DMD: variants seen among roughly 807,000 people sequenced by gnomAD.
DMD encodes the protein dystrophin.
Under a neutral mutation model 330.1 loss-of-function variants are expected in DMD, and 63 were observed. The ratio of observed to expected loss-of-function variants is 0.19; its 90% CI spans 0.16 to 0.24. DMD has a LOEUF of 0.24. Ranked by LOEUF, DMD falls within the 10% of genes least tolerant of loss-of-function variation. The pLI, the probability that DMD is intolerant of heterozygous loss-of-function variation, is 1.00. For synonymous variants in DMD, 1,223 were observed against 959.8 expected, an observed-to-expected ratio of 1.27 and a Z score of -5.07; for missense variants, 3,344 against 2,684.1, an observed-to-expected ratio of 1.25 and a Z score of -5.43.
At chrX:31,403,887 C>G (rs2061300945) in intron 60 of DMD, among the ~76,000 whole-genome samples, 1 of 111,361 alleles carries the variant, frequency 9.0e-6, no homozygotes, top group African/African-American at 3.3e-5. Flanking sequence ...ATATTTACAC[C>G]AAACAGTTTA....
chrX:32,475,684 T>C (rs2041162053), intron 21 of DMD, among the ~76,000 whole-genome samples: 1 of 111,133 alleles, frequency 9.0e-6, no homozygotes, highest in South Asian at 3.7e-4. Flanking sequence ...TGCTTGGTCG[T>C]TGTTGGTATA....
At chrX:31,215,162 C>T (rs1216164927) in intron 64 of DMD, among the ~76,000 whole-genome samples, 4 of 107,677 alleles carry the variant, frequency 3.7e-5, no homozygotes, top group Non-Finnish European at 7.7e-5. Context: ...AGGATGGCCT[C>T]GAACTCCTGA....
intron 2 of DMD, among the ~76,000 whole-genome samples, chrX:32,892,367 C>A (rs984430766): frequency 9.0e-6 from 1 of 110,516 alleles, no homozygotes; most frequent in African/African-American, 3.3e-5. Context: ...GCCCCCCACG[C>A]CATGTTGTTT....
chrX:32,120,880 C>G (rs1018067972), intron 44 of DMD, among the ~76,000 whole-genome samples: 4 of 112,194 alleles, frequency 3.6e-5, no homozygotes, highest in Non-Finnish European at 7.5e-5. Flanking sequence ...AGCAACCAAA[C>G]CCTTGCTTCT....
At chrX:32,418,972 CAAAAAAAAAAAAAAA>C (rs1160282195) in intron 29 of DMD, among the ~76,000 whole-genome samples, 1 of 13,511 alleles carries the variant, frequency 7.4e-5, no homozygotes, top group African/African-American at 2.2e-4. Flanking sequence ...GACTCTGTCT[CAAAAAAAAAAAAAAA>C]AAAAAAAAAA....
intron 7 of DMD, among the ~76,000 whole-genome samples, chrX:32,764,949 T>A: frequency 1.2e-5 from 1 of 85,085 alleles, no homozygotes; most frequent in African/African-American, 6.0e-5. Context: ...ACCATATTTA[T>A]TTTCTGGGTT....
intron 47 of DMD, among the ~76,000 whole-genome samples, chrX:31,918,538 A>C (rs763586041): frequency 1.8e-5 from 2 of 112,171 alleles, no homozygotes; most frequent in East Asian, 2.8e-4. Flanking sequence ...AAGAAAACTA[A>C]TCCTTCACCC....
chrX:32,316,245 G>C (rs150808022), intron 41 of DMD, among the ~76,000 whole-genome samples: 4 of 111,171 alleles, frequency 3.6e-5, no homozygotes, highest in East Asian at 5.7e-4. Flanking sequence ...AAAAGGTATA[G>C]TTTATTACTT....
At chrX:32,643,313 C>T (rs1358047758) in intron 11 of DMD, among the ~76,000 whole-genome samples, 2 of 109,256 alleles carry the variant, frequency 1.8e-5, no homozygotes, top group African/African-American at 3.4e-5. Flanking sequence ...ATCCTTCTAG[C>T]ATATCTAATG....
At chrX:32,560,473 A>T (rs1457086974) in intron 16 of DMD, among the ~76,000 whole-genome samples, 2 of 110,597 alleles carry the variant, frequency 1.8e-5, no homozygotes, top group Non-Finnish European at 3.8e-5. Flanking sequence ...GGGTACACGT[A>T]TTGGATGTGT....
At chrX:31,496,642 C>A in intron 57 of DMD, 146 bp downstream of exon 57, 1 of 666,151 alleles carries the variant, frequency 1.5e-6, no homozygotes, top group South Asian at 2.8e-5. Flanking sequence ...AGTGTAATGG[C>A]TTAGATTATT....
At chrX:32,629,535 G>A (rs924620530) in intron 11 of DMD, among the ~76,000 whole-genome samples, 4 of 111,008 alleles carry the variant, frequency 3.6e-5, no homozygotes, top group Admixed American at 9.6e-5. Context: ...TCATTGGTAC[G>A]TTAAGGACTT....
At chrX:31,215,358 G>A (rs146943346) in intron 64 of DMD, among the ~76,000 whole-genome samples, 2,243 of 110,092 alleles carry the variant, frequency 0.02, 21 homozygotes, top group Middle Eastern at 0.033. Context: ...CTTGGGGTGG[G>A]GGACTCTGCT....
intron 44 of DMD, among the ~76,000 whole-genome samples, chrX:32,073,926 G>A (rs1478776230): frequency 9.0e-6 from 1 of 111,075 alleles, no homozygotes; most frequent in Non-Finnish European, 1.9e-5. Context: ...TGATATTAAA[G>A]TATTAATTAG....
At position 32,348,494 on chromosome X, in the gene DMD, T is replaced by G; in HGVS notation, c.5360A>C (p.Asn1787Thr). The G allele has an allele frequency of 2.5e-6, 3 of 1,207,343 alleles. No homozygotes were observed. The highest frequency in any genetic ancestry group is 3.4e-6 in the Non-Finnish European group (3 of 892,405). Residue 1787 changes from asparagine to threonine, a missense_variant, in exon 38 of 79, where the codon AAC becomes ACC. Asn to Thr is a moderately conservative substitution (Grantham distance 65). Coordinates refer to ENST00000357033, the MANE Select transcript of DMD (RefSeq NM_004006.3). ...SIPLKELEQF[N>T]SDIQKLLEPL... ...TTCAAGCAATTTTTGTATATCTGAG[T>G]TAAACTGCTCCAATTCCTTCAAAGG...
At chrX:32,463,783 A>G (rs1281295724) in intron 24 of DMD, among the ~76,000 whole-genome samples, 189 bp from the exon 25 acceptor site, 1 of 112,335 alleles carries the variant, frequency 8.9e-6, no homozygotes, top group African/African-American at 3.2e-5. Context: ...TTCAATGGTT[A>G]TTATGGCATG....
chrX:32,066,860 G>A (rs2096263430), intron 44 of DMD, among the ~76,000 whole-genome samples: 1 of 111,631 alleles, frequency 9.0e-6, no homozygotes, highest in Admixed American at 9.5e-5. Context: ...TAGAAATATT[G>A]TTTTAGAAAG....
At position 31,239,684 on chromosome X, in the gene DMD, A is replaced by AT. The variant is rs201381027; in HGVS notation, c.9287-16564dup. ...TGACAAACATCTGACTGGAAAACAA[A>AT]TTTTCCCAAAAGCAAGCAGGGTCTA... is the stretch of plus-strand genomic sequence containing the variant. On this transcript the variant is annotated intron_variant, in intron 63 of 78. Transcript: ENST00000357033. Among the ~76,000 whole-genome samples, 493 of 111,822 alleles carry AT rather than the reference A, an allele frequency of 4.4e-3. 5 individuals carry two copies. The highest frequency in any genetic ancestry group is 0.015 in the African/African-American group (461 of 30,773).
At chrX:31,396,003 C>G (rs1016389061) in intron 60 of DMD, among the ~76,000 whole-genome samples, 1 of 112,177 alleles carries the variant, frequency 8.9e-6, no homozygotes, top group Non-Finnish European at 1.9e-5. Context: ...TGTCCTTTAG[C>G]TATTACTGTT....
Sources: gnomAD v4.1 joint callset for allele counts (sites outside exome capture counted in the v4.1 genomes callset) on GRCh38, gnomAD v4.1.1 for gene constraint, MANE v1.5 for transcripts, NCBI Gene and HGNC (gene_info 2026-07-23, HGNC 2026-07-21) for gene names.